Variants in LRRC4C observed in about 807,000 individuals in gnomAD.
LRRC4C encodes leucine rich repeat containing 4C.
In LRRC4C, 5 loss-of-function variants were observed where a neutral mutation model predicts 33.6. The observed-to-expected ratio is 0.15, with a 90% CI of 0.08 to 0.31. LRRC4C has a LOEUF of 0.31. Among genes scored for constraint, LRRC4C ranks in the 10% least tolerant of loss-of-function variants. The pLI, the probability that LRRC4C is intolerant of heterozygous loss-of-function variation, is 1.00. For missense variants in LRRC4C, 560 were observed against 796.7 expected (o/e 0.70, Z 3.58); for synonymous variants, 329 against 302.0 (o/e 1.09, Z -0.93).
intron 3 of LRRC4C, among the ~76,000 whole-genome samples, chr11:40,546,274 CA>C (rs1224567917): frequency 6.6e-6 from 1 of 151,926 alleles, no homozygotes; most frequent in Non-Finnish European, 1.5e-5. Flanking sequence ...GACATGAATT[CA>C]AGGGTCATGA....
At chr11:40,147,769 AGG>A (rs1448979479) in intron 5 of LRRC4C, among the ~76,000 whole-genome samples, 1 of 152,110 alleles carries the variant, frequency 6.6e-6, no homozygotes, top group East Asian at 1.9e-4. Context: ...TTTTAAGTTC[AGG>A]GGTACATGTG....
chr11:41,379,322 G>A (rs1425176823), intron 1 of LRRC4C, among the ~76,000 whole-genome samples: 1 of 152,090 alleles, frequency 6.6e-6, no homozygotes, highest in Non-Finnish European at 1.5e-5. Flanking sequence ...CATGGTTACT[G>A]ATTCTTCCTG....
chr11:40,723,446 G>A lies in LRRC4C; in HGVS notation c.-406-75168C>T, dbSNP rs565658346. On this transcript the variant is annotated intron_variant, in intron 2 of 6. Transcript: ENST00000528697. ...ACTTACAAGTCTGAAGAGATTGGGG[G>A]CCTATTTTTAGCATTCTTAAAGGAA... Among the ~76,000 whole-genome samples, 5 of 152,198 alleles carry A rather than the reference G, an allele frequency of 3.3e-5. No homozygotes were observed. In the South Asian group the frequency reaches 8.3e-4, roughly 25 times the overall value.
intron 3 of LRRC4C, among the ~76,000 whole-genome samples, chr11:40,444,325 T>A (rs114055017): frequency 0.01 from 1,530 of 151,012 alleles, 26 homozygotes; most frequent in African/African-American, 0.035. Flanking sequence ...ACATTTTTTT[T>A]AATTTATTTT....
chr11:40,811,457 G>A (rs1214519105), intron 2 of LRRC4C, among the ~76,000 whole-genome samples: 1 of 152,090 alleles, frequency 6.6e-6, no homozygotes, highest in African/African-American at 2.4e-5. Flanking sequence ...GCATGCCAGA[G>A]GGAAGCTATC....
chr11:41,202,881 G>C (rs1217820534), intron 1 of LRRC4C, among the ~76,000 whole-genome samples: 1 of 151,864 alleles, frequency 6.6e-6, no homozygotes, highest in Non-Finnish European at 1.5e-5. Context: ...CGCCTCCCGG[G>C]TCCAAGCGAT....
intron 1 of LRRC4C, among the ~76,000 whole-genome samples, chr11:41,253,230 G>T (rs1948698560): frequency 6.6e-6 from 1 of 151,844 alleles, no homozygotes; most frequent in South Asian, 2.1e-4. Flanking sequence ...TTACTGGATG[G>T]GTCTGTACAT....
intron 1 of LRRC4C, among the ~76,000 whole-genome samples, chr11:41,053,863 G>A (rs1858429096): frequency 6.6e-6 from 1 of 152,080 alleles, no homozygotes; most frequent in Non-Finnish European, 1.5e-5. Context: ...AATATATTCA[G>A]TGCATTTAAA....
chr11:41,208,564 A>G (rs1057079994), intron 1 of LRRC4C, among the ~76,000 whole-genome samples: 4 of 152,246 alleles, frequency 2.6e-5, no homozygotes, highest in Non-Finnish European at 5.9e-5. Flanking sequence ...TTATACCAGC[A>G]GAAATACTTC....
intron 6 of LRRC4C, among the ~76,000 whole-genome samples, chr11:40,116,594 G>T (rs1482730527): frequency 6.6e-6 from 1 of 152,210 alleles, no homozygotes; most frequent in African/African-American, 2.4e-5. Context: ...CTAATGTATT[G>T]TTTACCAACC....
chr11:40,665,289 C>G (rs1943662912), intron 2 of LRRC4C, among the ~76,000 whole-genome samples: 1 of 100,212 alleles, frequency 1.0e-5, no homozygotes, highest in Non-Finnish European at 2.1e-5. Flanking sequence ...AACCCAAAGC[C>G]CTGGGGTCAT....
intron 6 of LRRC4C, among the ~76,000 whole-genome samples, chr11:40,122,942 T>C (rs1166793267): frequency 1.6e-5 from 2 of 123,754 alleles, no homozygotes; most frequent in Non-Finnish European, 3.3e-5. Context: ...TATGTGTATA[T>C]ATATATTTAT....
chr11:40,469,402 C>T (rs1412161809), intron 3 of LRRC4C, among the ~76,000 whole-genome samples: 1 of 152,172 alleles, frequency 6.6e-6, no homozygotes, highest in African/African-American at 2.4e-5. Context: ...AGGAGATTCC[C>T]TCAGGTGACT....
At chr11:40,645,478 A>G (rs1942394637) in intron 3 of LRRC4C, among the ~76,000 whole-genome samples, 1 of 152,174 alleles carries the variant, frequency 6.6e-6, no homozygotes, top group African/African-American at 2.4e-5. Context: ...ATACAGAGGG[A>G]GAATAGAAGC....
At chr11:41,080,287 T>A (rs1418782091) in intron 1 of LRRC4C, among the ~76,000 whole-genome samples, 1 of 150,974 alleles carries the variant, frequency 6.6e-6, no homozygotes, top group Non-Finnish European at 1.5e-5. Context: ...TACAATTGCA[T>A]AATGGTAAAA....
intron 3 of LRRC4C, among the ~76,000 whole-genome samples, chr11:40,544,246 T>C (rs1956832670): frequency 6.6e-6 from 1 of 152,072 alleles, no homozygotes. Flanking sequence ...AGGTCTTTGA[T>C]AATTGCCTAG....
At chr11:41,430,428 T>C (rs1350552907) in intron 1 of LRRC4C, among the ~76,000 whole-genome samples, 1 of 152,122 alleles carries the variant, frequency 6.6e-6, no homozygotes, top group African/African-American at 2.4e-5. Flanking sequence ...CTCAGATAGC[T>C]AGAGAATGAA....
chr11:41,388,400 T>C (rs1953447341), intron 1 of LRRC4C, among the ~76,000 whole-genome samples: 1 of 151,874 alleles, frequency 6.6e-6, no homozygotes, highest in South Asian at 2.1e-4. Flanking sequence ...TGTGTTCCCA[T>C]TTAAAAGACC....
intron 3 of LRRC4C, among the ~76,000 whole-genome samples, chr11:40,349,055 C>T (rs1303972806): frequency 6.6e-6 from 1 of 152,122 alleles, no homozygotes; most frequent in Non-Finnish European, 1.5e-5. Context: ...TCACCTCAAG[C>T]ATTTATTATT....
Sources: gnomAD v4.1 joint callset for allele counts (sites outside exome capture counted in the v4.1 genomes callset) on GRCh38, gnomAD v4.1.1 for gene constraint, MANE v1.5 for transcripts, NCBI Gene and HGNC (gene_info 2026-07-23, HGNC 2026-07-21) for gene names.